ITGA1: variants seen among roughly 807,000 people sequenced by gnomAD.
ITGA1 encodes integrin subunit alpha 1.
A neutral mutation model predicts 145.9 loss-of-function variants in ITGA1; 85 were observed. That is an observed-to-expected ratio of 0.58 (90% CI 0.49 to 0.70). The LOEUF is 0.70. Among genes scored for constraint, ITGA1 ranks in the 30% least tolerant of loss-of-function variants. The probability of loss-of-function intolerance (pLI) is 0.00; values close to 1 mark genes in which losing one functional copy is unlikely to be tolerated. For synonymous variants in ITGA1, 520 were observed against 495.3 expected (o/e 1.05, Z -0.66); for missense variants, 1,351 against 1,418.7 (o/e 0.95, Z 0.77).
intron 26 of ITGA1, among the ~76,000 whole-genome samples, chr5:52,943,922 G>A (rs920251848): frequency 1.3e-5 from 2 of 152,168 alleles, no homozygotes; most frequent in East Asian, 3.9e-4. Flanking sequence ...CAGGTCACAG[G>A]GAAAGTACTC....
intron 11 of ITGA1, chr5:52,902,438 A>T (rs1260272860): frequency 6.6e-6 from 1 of 152,254 alleles, no homozygotes; most frequent in Non-Finnish European, 1.5e-5. Context: ...ATCAAGACAG[A>T]TCATACCTGT....
At chr5:52,792,276 T>C (rs1461912226) in intron 1 of ITGA1, among the ~76,000 whole-genome samples, 15 of 152,120 alleles carry the variant, frequency 9.9e-5, no homozygotes, top group Admixed American at 9.8e-4. Flanking sequence ...GATGGCTGAA[T>C]ATGGGGAGGA....
At chr5:52,941,059 C>G (rs1751046873) in intron 26 of ITGA1, among the ~76,000 whole-genome samples, 1 of 152,090 alleles carries the variant, frequency 6.6e-6, no homozygotes, top group Admixed American at 6.5e-5. Flanking sequence ...GTGGAATTTG[C>G]TTAGGATTAT....
intron 27 of ITGA1, among the ~76,000 whole-genome samples, chr5:52,945,722 A>G (rs1460174625): frequency 6.6e-6 from 1 of 152,234 alleles, no homozygotes; most frequent in Non-Finnish European, 1.5e-5. Flanking sequence ...TCCCATGTGG[A>G]TAACAGCACC....
intron 8 of ITGA1, among the ~76,000 whole-genome samples, chr5:52,889,415 A>G (rs1333486741): frequency 2.0e-5 from 3 of 152,202 alleles, no homozygotes; most frequent in African/African-American, 7.2e-5. Context: ...TATGCATTTA[A>G]TGATACAAAT....
chr5:52,803,718 T>C (rs1220343105), intron 1 of ITGA1: 8 of 152,202 alleles, frequency 5.3e-5, no homozygotes, highest in African/African-American at 1.9e-4. Flanking sequence ...TTCAAAAGTA[T>C]GGTCCGTAAA....
chr5:52,945,068 C>A, intron 27 of ITGA1, 33 bp downstream of exon 27: 1 of 1,445,208 alleles, frequency 6.9e-7, no homozygotes, highest in Non-Finnish European at 9.7e-7. Context: ...AAACATTATG[C>A]ATTTCACTCT....
chr5:52,835,100 G>A (rs753083735), intron 1 of ITGA1, among the ~76,000 whole-genome samples: 69 of 152,010 alleles, frequency 4.5e-4, no homozygotes, highest in Non-Finnish European at 9.1e-4. Context: ...GTATTTAGTC[G>A]TACAGCTATG....
Position 52,837,770 on chromosome 5 carries a change from T to C in ITGA1, c.62-11595T>C, listed in dbSNP as rs183968608. 2.2e-3 allele frequency among the ~76,000 whole-genome samples: 333 copies of C among 151,742 alleles called. 2 individuals are homozygous for C. The highest frequency in any genetic ancestry group is 7.7e-3 in the African/African-American group (317 of 41,402). On this transcript the variant is annotated intron_variant, in intron 1 of 28. Transcript: ENST00000282588. The stretch of plus-strand genomic sequence containing the variant: ...TAGAAATAGAGTTTGGATCGAAGGA[T>C]GTTACTGCCCAACTAATGTTCTAAG...
chr5:52,847,359 TAGTG>T (rs1466978836), intron 1 of ITGA1, among the ~76,000 whole-genome samples: 2 of 152,188 alleles, frequency 1.3e-5, no homozygotes, highest in African/African-American at 4.8e-5. Context: ...AAAAAGTTCA[TAGTG>T]AGCAAGGGTT....
At chr5:52,814,089 T>A (rs6863778) in intron 1 of ITGA1, among the ~76,000 whole-genome samples, 39,856 of 152,004 alleles carry the variant, frequency 0.26, 5,475 homozygotes, top group Non-Finnish European at 0.3. Context: ...GTAGCCCTGT[T>A]GGACTGATTT....
chr5:52,788,884 C>T (rs1367844760), intron 1 of ITGA1, among the ~76,000 whole-genome samples: 7 of 152,048 alleles, frequency 4.6e-5, no homozygotes, highest in African/African-American at 7.2e-5. Context: ...AGGCTTTTTT[C>T]CCATGCAGAA....
At chr5:52,824,738 T>C (rs1486625929) in intron 1 of ITGA1, 1 of 152,202 alleles carries the variant, frequency 6.6e-6, no homozygotes, top group Non-Finnish European at 1.5e-5. Context: ...TTTAAATTTG[T>C]ATTACATTAT....
chr5:52,953,320 A>G lies in ITGA1; in HGVS notation c.*869A>G, dbSNP rs1751254129. Reference sequence around the variant, plus strand: ...GAATGAAATACGACAGCAGAGAAAGATGCCACTGAAATGCTGAAATTATCT... The same window carrying G: ...GAATGAAATACGACAGCAGAGAAAGGTGCCACTGAAATGCTGAAATTATCT... On this transcript the variant is annotated 3_prime_UTR_variant, in exon 29 of 29. Coordinates refer to ENST00000282588, the MANE Select transcript of ITGA1 (RefSeq NM_181501.2). The G allele has an allele frequency of 6.6e-6, 1 of 152,208 alleles. No homozygotes were observed. Among genetic ancestry groups the G allele is most frequent in the African/African-American group, 2.4e-5 (1 of 41,450 alleles). 9.4% of individuals were successfully genotyped at this position (152,208 alleles called of 1,614,324 possible).
At position 52,925,283 on chromosome 5, in the gene ITGA1, C is replaced by T. The variant is rs201717960; in HGVS notation, c.2409C>T (p.Pro803=). The change falls in exon 19 of 29, where the codon CCC becomes CCT. Residue 803 remains proline, a synonymous_variant. Transcript: ENST00000282588. ...SLPNSVHEYI[P]FAKDCGNKEK... Reference sequence around the variant, plus strand: ...CTTTCCTGTCATCATTTCAGATTCCCTTTGCCAAAGATTGTGGAAATAAGG... The same window carrying T: ...CTTTCCTGTCATCATTTCAGATTCCTTTTGCCAAAGATTGTGGAAATAAGG... 52 of 1,613,336 alleles carry T rather than the reference C, an allele frequency of 3.2e-5. No individual in the cohort carries two copies. In the East Asian group the frequency reaches 9.8e-4, roughly 30 times the overall value.
rs1244400083 is a variant in ITGA1, at chr5:52,922,852, C to T, written c.2368C>T (p.Leu790Phe). The T allele has an allele frequency of 1.2e-6, 2 of 1,610,366 alleles. No homozygotes were observed. The highest frequency in any genetic ancestry group is 2.7e-5 in the African/African-American group (2 of 74,840). Residue 790 changes from leucine (L) to phenylalanine (F), a missense_variant, in exon 18 of 29, where the codon CTT (leucine) becomes TTT (phenylalanine). Transcript: ENST00000282588. ...TACCGATCCAGAAAATGGGCCTGTT[C>T]TTGATGATTCTCTACCAAACTCAGT... The part of the protein sequence containing the change: ...NLTDPENGPV[L>F]DDSLPNSVHE...
At chr5:52,807,923 CT>C (rs1305757919) in intron 1 of ITGA1, among the ~76,000 whole-genome samples, 1 of 152,042 alleles carries the variant, frequency 6.6e-6, no homozygotes, top group Non-Finnish European at 1.5e-5. Context: ...TATGCTACCC[CT>C]GGGTATGCAA....
Position 52,957,799 on chromosome 5 carries a change from T to C in ITGA1, c.*5348T>C, listed in dbSNP as rs1751324984. On this transcript the variant is annotated 3_prime_UTR_variant, in exon 29 of 29. Coordinates refer to ENST00000282588, the MANE Select transcript of ITGA1 (RefSeq NM_181501.2). The stretch of plus-strand genomic sequence containing the variant: ...CACCAGGGAAATCTTGGCAATCAAC[T>C]AAGGACCTGTGACACTCATAACTAT... 1 of 152,186 alleles carries C rather than the reference T, an allele frequency of 6.6e-6. No homozygotes were observed. The allele number at this position is 152,186 out of a possible 1,614,324, so 9.4% of individuals were successfully genotyped here.
chr5:52,856,900 T>C (rs1749523732), intron 2 of ITGA1, among the ~76,000 whole-genome samples: 1 of 152,118 alleles, frequency 6.6e-6, no homozygotes, highest in Non-Finnish European at 1.5e-5. Flanking sequence ...GGCTGGAGTG[T>C]CCAAGCTGGC....
Sources: allele counts gnomAD v4.1 joint callset (sites outside exome capture counted in the v4.1 genomes callset), GRCh38; gene constraint gnomAD v4.1.1; transcripts MANE v1.5; gene names NCBI Gene and HGNC (gene_info 2026-07-23, HGNC 2026-07-21).